The following FGF13 variants were observed in gnomAD, a reference collection of about 807,000 sequenced individuals.
FGF13 encodes the protein fibroblast growth factor homologous factor 2.
A neutral mutation model predicts 19.5 loss-of-function variants in FGF13; 2 were observed. The ratio of observed to expected loss-of-function variants is 0.10; its 90% CI spans 0.04 to 0.32. The LOEUF is 0.32. FGF13 is among the 10% of genes least tolerant of loss of function. FGF13 has a pLI of 1.00. For missense variants in FGF13, 113 were observed against 192.7 expected (o/e 0.59, Z 2.45); for synonymous variants, 72 against 76.9 (o/e 0.94, Z 0.33).
intron 1 of FGF13, among the ~76,000 whole-genome samples, chrX:139,017,803 T>A (rs2092160672): frequency 9.0e-6 from 1 of 111,455 alleles, no homozygotes; most frequent in African/African-American, 3.3e-5. Context: ...CTGAGGTGTA[T>A]CATCAACTCT....
chrX:139,004,120 A>T (rs1187663228), intron 1 of FGF13, among the ~76,000 whole-genome samples: 2 of 112,480 alleles, frequency 1.8e-5, no homozygotes, highest in Non-Finnish European at 3.8e-5. Flanking sequence ...GAGCCCATGG[A>T]GTGGGTGGGA....
intron 1 of FGF13, among the ~76,000 whole-genome samples, chrX:139,193,646 A>G (rs950264404): frequency 1.8e-5 from 2 of 111,478 alleles, no homozygotes; most frequent in African/African-American, 6.5e-5. Flanking sequence ...ATCATATAAT[A>G]TAAAAATAAT....
rs1054885091 is a variant in FGF13 at position 138,883,828 on chromosome X, A to G, written c.-112-19178T>C. On this transcript the variant is annotated intron_variant, in intron 1 of 2. Transcript: ENST00000421460. ...TACCTCAGCAAATTATTTGGAGAAA[A>G]CAAAGATTTGGCTTGAATAAATGGA... is the stretch of plus-strand genomic sequence containing the variant. 2.7e-5 allele frequency among the ~76,000 whole-genome samples: 3 copies of G among 112,157 alleles called. No homozygotes were observed. In the Admixed American group the frequency reaches 2.8e-4, roughly 11 times the overall value.
intron 1 of FGF13, among the ~76,000 whole-genome samples, chrX:138,988,149 G>A (rs754742759): frequency 2.2e-4 from 25 of 111,325 alleles, no homozygotes; most frequent in Non-Finnish European, 4.2e-4. Context: ...CCTAAATCTT[G>A]GTCTTCCAAA....
intron 3 of FGF13, among the ~76,000 whole-genome samples, chrX:138,779,587 A>C (rs1374629699): frequency 8.2e-5 from 9 of 110,351 alleles, no homozygotes; most frequent in Non-Finnish European, 1.5e-4. Flanking sequence ...AAATGAATGA[A>C]ATGAAGCGAG....
chrX:138,906,350 T>C (rs138437806), intron 1 of FGF13, among the ~76,000 whole-genome samples: 1,280 of 112,212 alleles, frequency 0.011, 8 homozygotes, highest in South Asian at 0.017. Flanking sequence ...GGCATACTCA[T>C]TGTCTATTGG....
chrX:138,615,712 C>A lies in FGF13; in HGVS notation c.*17138G>T, dbSNP rs2088962100. On this transcript the variant is annotated 3_prime_UTR_variant, in exon 5 of 5. Coordinates refer to ENST00000315930, the MANE Select transcript of FGF13 (RefSeq NM_004114.5). ...TAAATTTTTACCCTGTGCATTAGTTCATTCTCATGCTTCCATAAAGAAATA... is the reference window on the plus strand; with the variant it reads ...TAAATTTTTACCCTGTGCATTAGTTAATTCTCATGCTTCCATAAAGAAATA... 1 of 111,740 alleles carries A rather than the reference C, an allele frequency of 8.9e-6. No individual in the cohort carries two copies. Among genetic ancestry groups the A allele is most frequent in the African/African-American group, 3.3e-5 (1 of 30,695 alleles). 9.2% of individuals were successfully genotyped at this position (111,740 alleles called of 1,213,427 possible).
At chrX:138,840,563 G>A (rs1303276624) in intron 3 of FGF13, among the ~76,000 whole-genome samples, 1 of 111,674 alleles carries the variant, frequency 9.0e-6, no homozygotes, top group East Asian at 2.8e-4. Context: ...AAAAGGGAAA[G>A]TGAAAACAGA....
intron 2 of FGF13, among the ~76,000 whole-genome samples, chrX:138,706,958 T>C (rs182376159): frequency 8.9e-6 from 1 of 112,575 alleles, no homozygotes; most frequent in Admixed American, 9.4e-5. Context: ...CCTCTCTATT[T>C]TAATCTGCCT....
intron 1 of FGF13, among the ~76,000 whole-genome samples, chrX:139,090,126 A>T (rs1190034113): frequency 8.9e-6 from 1 of 112,329 alleles, no homozygotes; most frequent in Non-Finnish European, 1.9e-5. Flanking sequence ...TACTACTAAT[A>T]ATAAGCTACA....
chrX:139,063,259 C>T (rs972120902), intron 1 of FGF13, among the ~76,000 whole-genome samples: 5 of 111,501 alleles, frequency 4.5e-5, no homozygotes, highest in African/African-American at 1.6e-4. Context: ...TGGATTTTTA[C>T]ATATTGATCC....
chrX:138,912,910 T>C (rs2091595767), intron 1 of FGF13, among the ~76,000 whole-genome samples: 2 of 111,302 alleles, frequency 1.8e-5, no homozygotes, highest in South Asian at 7.6e-4. Context: ...GAAGAGAGCA[T>C]CCTGACCCTT....
In FGF13 at chrX:138,807,422, C is replaced by T. The variant is rs779052470; in HGVS notation, c.217+50090G>A. On this transcript the variant is annotated intron_variant, in intron 3 of 6. Transcript: ENST00000436198. ...AGATTTTGTCACCACCAGGCCTGCC[C>T]TACAAGAGCTCCTGAAGGAAGCACT... Among the ~76,000 whole-genome samples, 386 of 110,943 alleles carry T rather than the reference C, an allele frequency of 3.5e-3. 1 individual carries two copies. The highest frequency in any genetic ancestry group is 0.012 in the African/African-American group (362 of 30,526).
intron 1 of FGF13, among the ~76,000 whole-genome samples, chrX:139,059,335 A>G (rs984607473): frequency 9.0e-6 from 1 of 110,572 alleles, no homozygotes; most frequent in African/African-American, 3.3e-5. Flanking sequence ...GCAGAGAGCC[A>G]CCAGACAGTA....
At chrX:138,677,990 T>A (rs1246581093) in intron 3 of FGF13, among the ~76,000 whole-genome samples, 2 of 112,262 alleles carry the variant, frequency 1.8e-5, no homozygotes, top group African/African-American at 6.5e-5. Flanking sequence ...CATGGAATAC[T>A]ATGCAGCCAT....
upstream of FGF13, chrX:138,715,783 C>A (rs2124265473): frequency 8.9e-6 from 1 of 112,574 alleles, no homozygotes; most frequent in South Asian, 3.7e-4. Flanking sequence ...TGATTCCACT[C>A]CTCGTGGGTT....
intron 1 of FGF13, among the ~76,000 whole-genome samples, chrX:138,886,149 G>T (rs150200807): frequency 3.3e-3 from 365 of 111,931 alleles, no homozygotes; most frequent in African/African-American, 0.011. Flanking sequence ...CTATAAGAAA[G>T]AATGTACTTT....
chrX:138,993,403 G>T (rs2092027330), intron 1 of FGF13, among the ~76,000 whole-genome samples: 1 of 112,117 alleles, frequency 8.9e-6, no homozygotes, highest in African/African-American at 3.2e-5. Flanking sequence ...CCATTTTTCA[G>T]TAAGTCTAAA....
intron 3 of FGF13, among the ~76,000 whole-genome samples, chrX:138,751,050 A>G (rs775844614): frequency 9.0e-6 from 1 of 111,562 alleles, no homozygotes; most frequent in East Asian, 2.8e-4. Flanking sequence ...CTGAGAGTTC[A>G]AATAAAACAC....
Sources: gnomAD v4.1 joint callset for allele counts (sites outside exome capture counted in the v4.1 genomes callset) on GRCh38, gnomAD v4.1.1 for gene constraint, MANE v1.5 for transcripts, NCBI Gene and HGNC (gene_info 2026-07-23, HGNC 2026-07-21) for gene names.